The following VAV3 variants were observed in gnomAD, a reference collection of about 807,000 sequenced individuals.
VAV3 encodes the protein vav guanine nucleotide exchange factor 3.
In VAV3, 94 loss-of-function variants were observed where a neutral mutation model predicts 131.2. The ratio of observed to expected loss-of-function variants is 0.72; its 90% CI spans 0.61 to 0.85. The LOEUF is 0.85. Ranked by LOEUF, VAV3 falls within the 40% of genes least tolerant of loss-of-function variation. VAV3 has a pLI of 0.00. For missense variants in VAV3, 939 were observed against 1,002.7 expected, an observed-to-expected ratio of 0.94 and a Z score of 0.86; for synonymous variants, 349 against 342.0, an observed-to-expected ratio of 1.02 and a Z score of -0.22.
At chr1:107,616,992 T>C (rs1241637375) in intron 21 of VAV3, among the ~76,000 whole-genome samples, 1 of 152,050 alleles carries the variant, frequency 6.6e-6, no homozygotes, top group African/African-American at 2.4e-5. Flanking sequence ...CACCAGGGAG[T>C]ACATTTTAGG....
At chr1:107,614,910 C>T (rs1294652091) in intron 21 of VAV3, among the ~76,000 whole-genome samples, 1 of 152,048 alleles carries the variant, frequency 6.6e-6, no homozygotes, top group East Asian at 1.9e-4. Context: ...TCTTTAGGTT[C>T]CCAAACTTCT....
chr1:107,730,050 T>G (rs2101963958), intron 15 of VAV3, among the ~76,000 whole-genome samples: 1 of 152,190 alleles, frequency 6.6e-6, no homozygotes, highest in African/African-American at 2.4e-5. Context: ...AGGGCAAAAA[T>G]TTGAACTCCC....
chr1:107,608,722 T>C (rs1312537509), intron 22 of VAV3, among the ~76,000 whole-genome samples: 1 of 152,168 alleles, frequency 6.6e-6, no homozygotes, highest in African/African-American at 2.4e-5. Context: ...ATTCCTACAC[T>C]TTGAAAAGTA....
At chr1:107,893,981 G>A (rs542468852) in intron 1 of VAV3, among the ~76,000 whole-genome samples, 9 of 152,086 alleles carry the variant, frequency 5.9e-5, no homozygotes, top group Non-Finnish European at 8.8e-5. Flanking sequence ...TCAACACATC[G>A]GTTCTGTAAA....
intron 1 of VAV3, among the ~76,000 whole-genome samples, chr1:107,944,936 A>G (rs568062629): frequency 5.5e-4 from 84 of 152,174 alleles, no homozygotes; most frequent in Non-Finnish European, 1.0e-3. Flanking sequence ...TGCGGAAGTT[A>G]AGAGTGTAAT....
In VAV3 at chr1:107,633,172, A is replaced by C. The variant is rs115601341; in HGVS notation, c.1914+9447T>G. ...CACCATCTAAACCTGTGATAGGAAA[A>C]ATTAGTGAATAAATGAAAAAAGATA... On this transcript the variant is annotated intron_variant, in intron 20 of 26. Transcript: ENST00000370056. Among the ~76,000 whole-genome samples the C allele has an allele frequency of 5.8e-3, 878 of 152,300 alleles. 8 individuals are homozygous for C. Among genetic ancestry groups the C allele is most frequent in the African/African-American group, 0.02 (844 of 41,544 alleles).
At chr1:107,735,160 G>T (rs921164576) in intron 15 of VAV3, among the ~76,000 whole-genome samples, 3 of 152,214 alleles carry the variant, frequency 2.0e-5, no homozygotes, top group Non-Finnish European at 4.4e-5. Flanking sequence ...TGAAACCAAT[G>T]AGAACAAAGA....
intron 19 of VAV3, among the ~76,000 whole-genome samples, chr1:107,677,437 A>G (rs894555459): frequency 2.6e-5 from 4 of 152,194 alleles, no homozygotes; most frequent in African/African-American, 9.7e-5. Context: ...ACTTTTCTTT[A>G]TCTACTTAGC....
intron 1 of VAV3, among the ~76,000 whole-genome samples, chr1:107,889,794 G>GA (rs1671228178): frequency 1.3e-5 from 2 of 152,144 alleles, no homozygotes; most frequent in East Asian, 1.9e-4. Flanking sequence ...ATTTTTGGCA[G>GA]AAAAATGACT....
intron 21 of VAV3, among the ~76,000 whole-genome samples, chr1:107,611,400 T>C (rs560299034): frequency 1.3e-5 from 2 of 152,284 alleles, no homozygotes; most frequent in Admixed American, 6.5e-5. Context: ...ATTATACCCA[T>C]TCTAATCATT....
At chr1:107,849,816 T>A (rs1669137691) in intron 2 of VAV3, among the ~76,000 whole-genome samples, 1 of 152,064 alleles carries the variant, frequency 6.6e-6, no homozygotes, top group Non-Finnish European at 1.5e-5. Flanking sequence ...TTGCAATCTA[T>A]CCATCTGACA....
chr1:107,680,575 T>G (rs1346196636), intron 19 of VAV3, among the ~76,000 whole-genome samples: 2 of 152,108 alleles, frequency 1.3e-5, no homozygotes, highest in Non-Finnish European at 2.9e-5. Flanking sequence ...TGAGATAAGG[T>G]CTTGCTCTGT....
Position 107,915,164 on chromosome 1 carries a change from C to T in VAV3, c.205-40147G>A, listed in dbSNP as rs116771884. Among the ~76,000 whole-genome samples, 975 of 152,056 alleles carry T rather than the reference C, an allele frequency of 6.4e-3. 11 individuals carry two copies. Among genetic ancestry groups the T allele is most frequent in the African/African-American group, 0.023 (936 of 41,438 alleles). Reference sequence around the variant, plus strand: ...GATTTTTAAACTTAATCCAATAGGCCCAAAATGTAGACTAGTCAGTTTCCA... The same window carrying T: ...GATTTTTAAACTTAATCCAATAGGCTCAAAATGTAGACTAGTCAGTTTCCA... On this transcript the variant is annotated intron_variant, in intron 1 of 26. Transcript: ENST00000370056.
intron 2 of VAV3, among the ~76,000 whole-genome samples, chr1:107,816,274 A>G (rs1401506433): frequency 1.3e-5 from 2 of 152,220 alleles, no homozygotes; most frequent in East Asian, 3.9e-4. Flanking sequence ...ATGACTTTGG[A>G]CAAGTTACTT....
At chr1:107,908,129 T>C (rs1672190873) in intron 1 of VAV3, among the ~76,000 whole-genome samples, 1 of 152,206 alleles carries the variant, frequency 6.6e-6, no homozygotes, top group African/African-American at 2.4e-5. Flanking sequence ...GGAAACTACA[T>C]TTCCCAGATC....
chr1:107,833,043 GATAAA>G (rs1553216419), intron 2 of VAV3, among the ~76,000 whole-genome samples: 1 of 152,090 alleles, frequency 6.6e-6, no homozygotes, highest in Non-Finnish European at 1.5e-5. Context: ...AAATCATAAA[GATAAA>G]ATAATTATGA....
intron 1 of VAV3, among the ~76,000 whole-genome samples, chr1:107,877,536 A>G (rs769613199): frequency 6.6e-6 from 1 of 152,334 alleles, no homozygotes; most frequent in East Asian, 1.9e-4. Context: ...TTGCATGCAC[A>G]GAAGATTTAA....
At chr1:107,728,779 G>C (rs1016770895) in intron 15 of VAV3, among the ~76,000 whole-genome samples, 13 of 152,028 alleles carry the variant, frequency 8.6e-5, no homozygotes, top group African/African-American at 3.1e-4. Flanking sequence ...TGATACAAAA[G>C]TGTTTGCAAG....
chr1:107,746,903 G>A (rs914606152), intron 15 of VAV3, among the ~76,000 whole-genome samples: 5 of 150,394 alleles, frequency 3.3e-5, no homozygotes, highest in Admixed American at 6.6e-5. Flanking sequence ...TTTTCAAGAC[G>A]GAGTCTCAGT....
Sources: allele counts gnomAD v4.1 joint callset (sites outside exome capture counted in the v4.1 genomes callset), GRCh38; gene constraint gnomAD v4.1.1; transcripts MANE v1.5; gene names NCBI Gene and HGNC (gene_info 2026-07-23, HGNC 2026-07-21).